PTPRN2: variants seen among roughly 807,000 people sequenced by gnomAD.
The protein encoded by PTPRN2 is protein tyrosine phosphatase receptor type N2.
A neutral mutation model predicts 118.8 loss-of-function variants in PTPRN2; 74 were observed. The observed-to-expected ratio is 0.62, with a 90% CI of 0.52 to 0.76. The LOEUF is 0.76. Among genes scored for constraint, PTPRN2 ranks in the 30% least tolerant of loss-of-function variants. The probability of loss-of-function intolerance (pLI) is 0.00; values close to 1 mark genes in which losing one functional copy is unlikely to be tolerated. For missense variants in PTPRN2, 1,481 were observed against 1,394.4 expected (o/e 1.06, Z -0.99); for synonymous variants, 641 against 608.0 (o/e 1.05, Z -0.80).
intron 11 of PTPRN2, among the ~76,000 whole-genome samples, chr7:158,034,896 T>C (rs903050881): frequency 6.6e-6 from 1 of 152,252 alleles, no homozygotes; most frequent in African/African-American, 2.4e-5. Flanking sequence ...TCTACTTTTG[T>C]GGGGTAGGCT....
intron 9 of PTPRN2, among the ~76,000 whole-genome samples, 185 bp downstream of exon 9, chr7:158,133,492 G>A (rs1818543680): frequency 6.6e-6 from 1 of 152,316 alleles, no homozygotes; most frequent in East Asian, 1.9e-4. Flanking sequence ...GCATCAGGAG[G>A]AGCCACTGTC....
At chr7:157,976,943 C>T (rs930321807) in intron 11 of PTPRN2, among the ~76,000 whole-genome samples, 2 of 151,614 alleles carry the variant, frequency 1.3e-5, no homozygotes, top group African/African-American at 2.4e-5. Flanking sequence ...TGAATCAAAT[C>T]GAAGTTTATT....
chr7:158,288,559 A>T (rs1290211283), intron 3 of PTPRN2, among the ~76,000 whole-genome samples: 3 of 152,180 alleles, frequency 2.0e-5, no homozygotes, highest in Non-Finnish European at 4.4e-5. Context: ...TCACATTTTT[A>T]AAATCTCTAC....
chr7:158,553,810 C>A (rs187763462), intron 1 of PTPRN2, among the ~76,000 whole-genome samples: 1 of 151,490 alleles, frequency 6.6e-6, no homozygotes, highest in East Asian at 1.9e-4. Flanking sequence ...GATCCCAGCT[C>A]CTAACACATT....
chr7:158,002,742 C>T (rs1211478993), intron 11 of PTPRN2, among the ~76,000 whole-genome samples: 5 of 152,160 alleles, frequency 3.3e-5, no homozygotes, highest in African/African-American at 9.7e-5. Context: ...TCAGCTGCAG[C>T]GAGAGAAATG....
rs1433494773 is a variant in PTPRN2, at chr7:158,213,248, GTGT to G, written c.278-7978_278-7976del. 2.6e-3 allele frequency among the ~76,000 whole-genome samples: 373 copies of G among 143,048 alleles called. 1 individual carries two copies. Among genetic ancestry groups the G allele is most frequent in the African/African-American group, 9.0e-3 (345 of 38,426 alleles). 93.8% of individuals were successfully genotyped at this position (143,048 alleles called of 152,430 possible). A position where few individuals can be genotyped will look rare whatever the true frequency, so the allele number is the denominator to read the frequency against. On this transcript the variant is annotated intron_variant, in intron 3 of 22. Transcript: ENST00000389418. The stretch of plus-strand genomic sequence containing the variant: ...TGTGTGTGTGTGTGTGTGTGTGTGT[GTGT>G]GGCGTAGGAAGTCCAGAACATGATG...
intron 11 of PTPRN2, among the ~76,000 whole-genome samples, chr7:157,914,467 T>C (rs1346473321): frequency 6.6e-6 from 1 of 152,222 alleles, no homozygotes; most frequent in East Asian, 1.9e-4. Context: ...TTATGAATCG[T>C]AGGTAATATT....
chr7:157,717,127 C>T (rs1038292412), intron 12 of PTPRN2, among the ~76,000 whole-genome samples: 6 of 152,258 alleles, frequency 3.9e-5, no homozygotes, highest in South Asian at 2.1e-4. Flanking sequence ...TCTCACTGCA[C>T]GGGGACTCAC....
chr7:157,748,739 G>A (rs1801222483), intron 12 of PTPRN2, among the ~76,000 whole-genome samples: 2 of 131,418 alleles, frequency 1.5e-5, no homozygotes, highest in African/African-American at 3.0e-5. Flanking sequence ...CTGAGCTGTG[G>A]GCTGTCCGGG....
chr7:158,464,788 A>T (rs1051211691), intron 2 of PTPRN2, among the ~76,000 whole-genome samples: 18 of 150,680 alleles, frequency 1.2e-4, no homozygotes, highest in African/African-American at 4.4e-4. Context: ...CATCCTTACC[A>T]TCGCCATCAT....
intron 12 of PTPRN2, among the ~76,000 whole-genome samples, chr7:157,751,735 G>A (rs533617784): frequency 4.6e-5 from 7 of 151,904 alleles, no homozygotes; most frequent in Non-Finnish European, 7.4e-5. Flanking sequence ...GGAGCCGCGC[G>A]CACAGAATCC....
chr7:158,550,138 G>A (rs1658749796), intron 1 of PTPRN2, among the ~76,000 whole-genome samples: 2 of 152,242 alleles, frequency 1.3e-5, no homozygotes, highest in South Asian at 4.1e-4. Context: ...TCTGAGGGCT[G>A]CGCACCAGGC....
chr7:158,062,396 G>A (rs1308139601), intron 11 of PTPRN2, among the ~76,000 whole-genome samples: 1 of 152,242 alleles, frequency 6.6e-6, no homozygotes, highest in African/African-American at 2.4e-5. Flanking sequence ...GCAGTGAAAG[G>A]TGATGGCGTG....
chr7:158,263,379 A>G (rs919769182), intron 3 of PTPRN2, among the ~76,000 whole-genome samples: 8 of 151,912 alleles, frequency 5.3e-5, no homozygotes, highest in Non-Finnish European at 1.2e-4. Flanking sequence ...TGCACACTGT[A>G]CACACACGTG....
intron 18 of PTPRN2, 106 bp from the exon 19 acceptor site, chr7:157,576,885 G>T: frequency 4.3e-6 from 5 of 1,158,714 alleles, no homozygotes; most frequent in Non-Finnish European, 4.8e-6. Context: ...AGAAGGGGGC[G>T]CTGCGAAGAG....
At position 158,205,173 on chromosome 7, in the gene PTPRN2, G is replaced by T; in HGVS notation, c.378C>A (p.Ala126=). The change falls in exon 4 of 23, where the codon GCC becomes GCA. Residue 126 remains alanine, a splice_region_variant and synonymous_variant. Coordinates refer to ENST00000389418, the MANE Select transcript of PTPRN2 (RefSeq NM_002847.5). ...YLRRPEASSP[A]RPSKHSVGSE... is the part of the protein sequence containing the mutation. Reference sequence around the variant, plus strand: ...CAACAAGCCACGTCCACACTTACCTGGCTGGGCTGGATGCTTCAGGACGCC... The same window carrying T: ...CAACAAGCCACGTCCACACTTACCTTGCTGGGCTGGATGCTTCAGGACGCC... 1 of 1,612,624 alleles carries T rather than the reference G, an allele frequency of 6.2e-7. No homozygotes were observed. The highest frequency in any genetic ancestry group is 8.5e-7 in the Non-Finnish European group (1 of 1,178,596).
Position 157,760,872 on chromosome 7 carries a change from T to C in PTPRN2, c.1789-77935A>G, listed in dbSNP as rs145878765. 1.0e-3 allele frequency among the ~76,000 whole-genome samples: 158 copies of C among 152,322 alleles called. 2 individuals carry two copies. The highest frequency in any genetic ancestry group is 1.7e-3 in the Non-Finnish European group (118 of 68,038). On this transcript the variant is annotated intron_variant, in intron 12 of 22. Coordinates refer to ENST00000389418, the MANE Select transcript of PTPRN2 (RefSeq NM_002847.5). ...GTCTGCAAACAGGGACAATTTGACT[T>C]CCTCTTTTCCTAATTAATTGAATAC...
chr7:157,672,059 C>T (rs932906509), intron 13 of PTPRN2, among the ~76,000 whole-genome samples: 9 of 152,052 alleles, frequency 5.9e-5, no homozygotes, highest in African/African-American at 1.7e-4. Flanking sequence ...GCAGCCGGCC[C>T]GAGGACACCG....
intron 12 of PTPRN2, among the ~76,000 whole-genome samples, chr7:157,848,956 T>C (rs1809075180): frequency 6.6e-6 from 1 of 152,204 alleles, no homozygotes; most frequent in South Asian, 2.1e-4. Flanking sequence ...TCTGGACATA[T>C]GTCAGGCTCT....
Sources: gnomAD v4.1 joint callset for allele counts (sites outside exome capture counted in the v4.1 genomes callset) on GRCh38, gnomAD v4.1.1 for gene constraint, MANE v1.5 for transcripts, NCBI Gene and HGNC (gene_info 2026-07-23, HGNC 2026-07-21) for gene names.